The following ULK4 variants were observed in gnomAD, a reference collection of about 807,000 sequenced individuals.
ULK4 encodes the protein unc-51 like kinase 4.
Under a neutral mutation model 160.6 loss-of-function variants are expected in ULK4, and 133 were observed. That is an observed-to-expected ratio of 0.83 (90% CI 0.72 to 0.96). ULK4 has a LOEUF of 0.96. Among genes scored for constraint, ULK4 ranks in the 40% least tolerant of loss-of-function variants. The pLI, the probability that ULK4 is intolerant of heterozygous loss-of-function variation, is 0.00. For synonymous variants in ULK4, 534 were observed against 539.8 expected, an observed-to-expected ratio of 0.99 and a Z score of 0.15; for missense variants, 1,580 against 1,499.5, an observed-to-expected ratio of 1.05 and a Z score of -0.89.
chr3:41,300,518 G>A (rs1176290486), intron 35 of ULK4, among the ~76,000 whole-genome samples: 4 of 151,936 alleles, frequency 2.6e-5, no homozygotes, highest in Admixed American at 6.6e-5. Flanking sequence ...AGTTTTCACT[G>A]GTTTCTGTAT....
intron 32 of ULK4, among the ~76,000 whole-genome samples, chr3:41,466,932 C>T (rs931169693): frequency 3.3e-5 from 5 of 151,946 alleles, no homozygotes; most frequent in African/African-American, 1.2e-4. Context: ...GTATAACAGT[C>T]AATAAGTATA....
In ULK4 at chr3:41,896,844, G is replaced by T. The variant is rs752644070; in HGVS notation, c.1508C>A (p.Thr503Asn). ...TACCAGGGGGGAATGGAGGAGCCTGGTGGCCACCTCCTGGTGACCAGCCAC... is the reference window on the plus strand; with the variant it reads ...TACCAGGGGGGAATGGAGGAGCCTGTTGGCCACCTCCTGGTGACCAGCCAC... ...CVVAGHQEVA[T>N]RLLHSPLFQL... Residue 503 changes from threonine (T) to asparagine (N), a missense_variant, in exon 15 of 37, where the codon ACC becomes AAC. By Grantham distance (65) the Thr-to-Asn change is moderately conservative. Coordinates refer to ENST00000301831, the MANE Select transcript of ULK4 (RefSeq NM_017886.4). 1 of 1,612,892 alleles carries T rather than the reference G, an allele frequency of 6.2e-7. No homozygotes were observed. Among genetic ancestry groups the T allele is most frequent in the South Asian group, 1.1e-5 (1 of 91,008 alleles).
At chr3:41,391,994 A>G (rs1367187164) in intron 35 of ULK4, among the ~76,000 whole-genome samples, 4 of 152,098 alleles carry the variant, frequency 2.6e-5, no homozygotes, top group Non-Finnish European at 4.4e-5. Flanking sequence ...TCGATAGCAT[A>G]TATTTAAGCC....
At chr3:41,299,153 C>G (rs917930250) in intron 35 of ULK4, among the ~76,000 whole-genome samples, 1 of 152,190 alleles carries the variant, frequency 6.6e-6, no homozygotes, top group African/African-American at 2.4e-5. Context: ...AGAGGCTTTG[C>G]ACACTTCAGT....
rs541944020 is a variant in ULK4, at chr3:41,840,417, C to T, written c.1657-4446G>A. On this transcript the variant is annotated intron_variant, in intron 17 of 36. Coordinates refer to ENST00000301831, the MANE Select transcript of ULK4 (RefSeq NM_017886.4). ...TCTTTCTTCAGTCTCCCTCTGTTGC[C>T]GAGGCTGGACTGTACTGCCGTGGTC... 9.8e-4 allele frequency among the ~76,000 whole-genome samples: 150 copies of T among 152,324 alleles called. 1 individual carries two copies. The highest frequency in any genetic ancestry group is 3.4e-3 in the African/African-American group (142 of 41,570).
intron 35 of ULK4, among the ~76,000 whole-genome samples, chr3:41,359,231 G>A (rs1024870286): frequency 6.6e-5 from 10 of 152,226 alleles, no homozygotes; most frequent in Non-Finnish European, 1.2e-4. Flanking sequence ...CCAAGTGGGC[G>A]AAGATGTGGA....
At chr3:41,861,721 G>A (rs1166125920) in intron 17 of ULK4, among the ~76,000 whole-genome samples, 1 of 152,022 alleles carries the variant, frequency 6.6e-6, no homozygotes, top group African/African-American at 2.4e-5. Context: ...TTATCTTTTT[G>A]AATAAACTTT....
chr3:41,828,487 C>T (rs2041452507), intron 18 of ULK4, among the ~76,000 whole-genome samples: 2 of 137,364 alleles, frequency 1.5e-5, no homozygotes, highest in Non-Finnish European at 3.0e-5. Flanking sequence ...AAATCACAAG[C>T]ATTCTTATAC....
chr3:41,680,387 G>A (rs1256965528), intron 29 of ULK4, among the ~76,000 whole-genome samples: 1 of 152,092 alleles, frequency 6.6e-6, no homozygotes, highest in Non-Finnish European at 1.5e-5. Flanking sequence ...AGAAACAAGA[G>A]GCTGGCCTAG....
chr3:41,458,581 A>C (rs958371716), intron 33 of ULK4, among the ~76,000 whole-genome samples: 2 of 152,118 alleles, frequency 1.3e-5, no homozygotes, highest in African/African-American at 4.8e-5. Context: ...GAGATAACAG[A>C]ATACAGCTTC....
At chr3:41,876,036 T>C (rs952979167) in intron 17 of ULK4, among the ~76,000 whole-genome samples, 1 of 148,156 alleles carries the variant, frequency 6.7e-6, no homozygotes, top group Non-Finnish European at 1.5e-5. Context: ...TTATAGGAAA[T>C]GTGTGGACTA....
At chr3:41,701,441 G>A (rs2036673253) in intron 27 of ULK4, among the ~76,000 whole-genome samples, 1 of 152,042 alleles carries the variant, frequency 6.6e-6, no homozygotes, top group South Asian at 2.1e-4. Flanking sequence ...ATAACATCTG[G>A]GCAGTGCTGA....
In ULK4 at chr3:41,467,073, C is replaced by T. The variant is rs537279830; in HGVS notation, c.3227-3820G>A. Among the ~76,000 whole-genome samples the T allele has an allele frequency of 1.2e-4, 19 of 152,150 alleles. No homozygotes were observed. The South Asian group carries it at 3.7e-3, about 30-fold the overall frequency. Reference sequence around the variant, plus strand: ...AAATGTTAGTAATGATGTGCAGCAACCAGGACTCACATATATTACTGATGA... The same window carrying T: ...AAATGTTAGTAATGATGTGCAGCAATCAGGACTCACATATATTACTGATGA... On this transcript the variant is annotated intron_variant, in intron 32 of 36. Transcript: ENST00000301831.
intron 29 of ULK4, among the ~76,000 whole-genome samples, chr3:41,669,472 G>C (rs956183775): frequency 6.6e-6 from 1 of 152,106 alleles, no homozygotes; most frequent in East Asian, 1.9e-4. Flanking sequence ...TGCCCAGGCT[G>C]GTCTCAAACT....
chr3:41,381,014 C>A (rs907252920), intron 35 of ULK4, among the ~76,000 whole-genome samples: 1 of 152,156 alleles, frequency 6.6e-6, no homozygotes, highest in Non-Finnish European at 1.5e-5. Flanking sequence ...TTCCTCCATG[C>A]ATCCCCTGCC....
At chr3:41,740,638 A>T (rs116037701) in intron 22 of ULK4, among the ~76,000 whole-genome samples, 3,575 of 152,086 alleles carry the variant, frequency 0.024, 83 homozygotes, top group Non-Finnish European at 0.034. Context: ...AATGTAATCC[A>T]TAAAAGGCCA....
intron 34 of ULK4, among the ~76,000 whole-genome samples, chr3:41,441,625 T>C (rs1276356911): frequency 6.6e-6 from 1 of 152,114 alleles, no homozygotes; most frequent in African/African-American, 2.4e-5. Context: ...ATATGGTATA[T>C]CTTGGTAAAA....
intron 30 of ULK4, among the ~76,000 whole-genome samples, chr3:41,645,735 C>G (rs2034457902): frequency 6.6e-6 from 1 of 152,072 alleles, no homozygotes; most frequent in Non-Finnish European, 1.5e-5. Flanking sequence ...GAGTTCAATT[C>G]CTGGGTATCC....
intron 21 of ULK4, among the ~76,000 whole-genome samples, chr3:41,768,391 G>C (rs2039239600): frequency 6.6e-6 from 1 of 152,132 alleles, no homozygotes. Flanking sequence ...TGAAGTATAT[G>C]GGGAAAAGAA....
Sources: gnomAD v4.1 joint callset for allele counts (sites outside exome capture counted in the v4.1 genomes callset) on GRCh38, gnomAD v4.1.1 for gene constraint, MANE v1.5 for transcripts, NCBI Gene and HGNC (gene_info 2026-07-23, HGNC 2026-07-21) for gene names.